The following KCNQ5 variants were observed in gnomAD, a reference collection of about 807,000 sequenced individuals.
The protein encoded by KCNQ5 is potassium voltage-gated channel subfamily KQT member 5.
A neutral mutation model predicts 98.2 loss-of-function variants in KCNQ5; 30 were observed. That is an observed-to-expected ratio of 0.31 (90% CI 0.23 to 0.41). The LOEUF (loss-of-function observed/expected upper bound fraction) is 0.41, where lower values mean the gene tolerates loss of function less well. Among genes scored for constraint, KCNQ5 ranks in the 10% least tolerant of loss-of-function variants. The pLI, the probability that KCNQ5 is intolerant of heterozygous loss-of-function variation, is 1.00. For missense variants in KCNQ5, 835 were observed against 1,182.5 expected (o/e 0.71, Z 4.31); for synonymous variants, 458 against 449.4 (o/e 1.02, Z -0.24).
chr6:73,036,458 T>A (rs61200346), intron 2 of KCNQ5, among the ~76,000 whole-genome samples: 205 of 149,986 alleles, frequency 1.4e-3, no homozygotes, highest in African/African-American at 4.9e-3. Context: ...AAGTTACCCC[T>A]TGCTAACCAC....
At chr6:73,034,836 T>C (rs1020482164) in intron 2 of KCNQ5, among the ~76,000 whole-genome samples, 14 of 82,212 alleles carry the variant, frequency 1.7e-4, no homozygotes, top group South Asian at 9.9e-4. Flanking sequence ...CACTGCCTCT[T>C]TTCTTTTTTT....
At chr6:72,827,920 G>A (rs961256920) in intron 1 of KCNQ5, among the ~76,000 whole-genome samples, 1 of 152,074 alleles carries the variant, frequency 6.6e-6, no homozygotes, top group Non-Finnish European at 1.5e-5. Flanking sequence ...GTAAGAGGTG[G>A]AAGTCTAGTT....
intron 1 of KCNQ5, among the ~76,000 whole-genome samples, chr6:72,776,426 T>C (rs1773164865): frequency 6.6e-6 from 1 of 152,240 alleles, no homozygotes; most frequent in African/African-American, 2.4e-5. Flanking sequence ...TATTTTAAGT[T>C]CAACTCTTTA....
At chr6:73,145,600 T>A (rs184843011) in intron 10 of KCNQ5, among the ~76,000 whole-genome samples, 11 of 152,278 alleles carry the variant, frequency 7.2e-5, no homozygotes, top group Non-Finnish European at 1.5e-4. Flanking sequence ...TAATTTCCAT[T>A]TTTTTTAAAC....
At chr6:72,730,421 C>T (rs1041937456) in intron 1 of KCNQ5, among the ~76,000 whole-genome samples, 1 of 151,840 alleles carries the variant, frequency 6.6e-6, no homozygotes, top group African/African-American at 2.4e-5. Flanking sequence ...AAAAAGAATT[C>T]TCCTGTACAT....
At chr6:72,908,683 T>C (rs1779798515) in intron 1 of KCNQ5, among the ~76,000 whole-genome samples, 2 of 152,090 alleles carry the variant, frequency 1.3e-5, no homozygotes, top group Non-Finnish European at 2.9e-5. Context: ...TGAATAGGGC[T>C]AGAAGCAACA....
At chr6:72,946,980 C>A (rs1766577028) in intron 1 of KCNQ5, among the ~76,000 whole-genome samples, 1 of 152,172 alleles carries the variant, frequency 6.6e-6, no homozygotes, top group African/African-American at 2.4e-5. Flanking sequence ...GGCAGTCTCA[C>A]AACTCTTCAT....
chr6:72,782,204 C>G (rs1239082292), intron 1 of KCNQ5, among the ~76,000 whole-genome samples: 1 of 151,990 alleles, frequency 6.6e-6, no homozygotes, highest in East Asian at 1.9e-4. Context: ...CTAGGGTTAC[C>G]TATTCAGACT....
At position 72,699,583 on chromosome 6, in the gene KCNQ5, A is replaced by G. The variant is rs541170514; in HGVS notation, c.398+76996A>G. The stretch of plus-strand genomic sequence containing the variant: ...AGAAGATTGCCAATTTCCCCACTCT[A>G]TTAGAAGCTATATAAATATCACAAT... On this transcript the variant is annotated intron_variant, in intron 1 of 13. Coordinates refer to ENST00000370398, the MANE Select transcript of KCNQ5 (RefSeq NM_019842.4). Among the ~76,000 whole-genome samples, 7 of 152,278 alleles carry G rather than the reference A, an allele frequency of 4.6e-5. No homozygotes were observed. In the South Asian group the frequency reaches 1.0e-3, roughly 23 times the overall value.
intron 1 of KCNQ5, among the ~76,000 whole-genome samples, chr6:72,779,839 G>C (rs1488654794): frequency 6.3e-5 from 3 of 47,742 alleles, no homozygotes; most frequent in Non-Finnish European, 1.2e-4. Context: ...GTGTGTGTGT[G>C]TGTGTGTGTG....
At chr6:72,755,050 A>T (rs1351402608) in intron 1 of KCNQ5, among the ~76,000 whole-genome samples, 1 of 151,972 alleles carries the variant, frequency 6.6e-6, no homozygotes, top group East Asian at 1.9e-4. Context: ...AGGTTTTTAC[A>T]TATTATTAAA....
rs538119132 is a variant in KCNQ5, at chr6:72,822,019, C to T, written c.399-181889C>T. 6.8e-4 allele frequency among the ~76,000 whole-genome samples: 103 copies of T among 152,248 alleles called. 3 individuals carry two copies. In the South Asian group the frequency reaches 0.021, roughly 31 times the overall value. Reference sequence around the variant, plus strand: ...TCTCTGTGACTCTCAGAAAGGCTGTCAGTTTCCTGGTCAGTCTTTTCCCTA... The same window carrying T: ...TCTCTGTGACTCTCAGAAAGGCTGTTAGTTTCCTGGTCAGTCTTTTCCCTA... On this transcript the variant is annotated intron_variant, in intron 1 of 13. Transcript: ENST00000370398.
intron 1 of KCNQ5, among the ~76,000 whole-genome samples, chr6:72,970,630 G>A (rs986792359): frequency 6.6e-6 from 1 of 152,108 alleles, no homozygotes. Context: ...AAACAGCATG[G>A]TACTGGTACC....
intron 1 of KCNQ5, among the ~76,000 whole-genome samples, chr6:72,981,522 A>G (rs1332557636): frequency 1.3e-5 from 2 of 151,256 alleles, no homozygotes; most frequent in African/African-American, 4.9e-5. Context: ...TTCATTTTTT[A>G]TTGCATCTAT....
chr6:73,029,824 T>C (rs1206218968), intron 2 of KCNQ5, among the ~76,000 whole-genome samples: 2 of 138,190 alleles, frequency 1.4e-5, no homozygotes, highest in Non-Finnish European at 3.0e-5. Flanking sequence ...GGCAGGAGAA[T>C]GGCGTGAACC....
chr6:72,883,305 A>ATGT lies in KCNQ5; in HGVS notation c.399-120577_399-120575dup, dbSNP rs565781521. Among the ~76,000 whole-genome samples, 1,153 of 151,926 alleles carry ATGT rather than the reference A, an allele frequency of 7.6e-3. 7 individuals carry two copies. Among genetic ancestry groups the ATGT allele is most frequent in the African/African-American group, 0.011 (443 of 41,462 alleles). Reference sequence around the variant, plus strand: ...GATGCCTCCTGTTCTCAAAAGAACAATGTTGTTGTTGTTGTTGTTGTTGTT... The same window carrying ATGT: ...GATGCCTCCTGTTCTCAAAAGAACAATGTTGTTGTTGTTGTTGTTGTTGTTGTT... On this transcript the variant is annotated intron_variant, in intron 1 of 13. Transcript: ENST00000370398.
chr6:72,749,173 C>T (rs1234063106), intron 1 of KCNQ5, among the ~76,000 whole-genome samples: 2 of 152,158 alleles, frequency 1.3e-5, no homozygotes, highest in African/African-American at 4.8e-5. Context: ...ATTCTCAACA[C>T]CCCAAAACAT....
chr6:72,647,097 C>T (rs1436682303), intron 1 of KCNQ5, among the ~76,000 whole-genome samples: 2 of 152,330 alleles, frequency 1.3e-5, no homozygotes, highest in Non-Finnish European at 2.9e-5. Flanking sequence ...CATTCATTTA[C>T]TGTCTGTGAC....
intron 1 of KCNQ5, among the ~76,000 whole-genome samples, chr6:72,894,162 T>TGGG (rs1206592694): frequency 3.2e-4 from 49 of 152,306 alleles, no homozygotes; most frequent in African/African-American, 1.2e-3. Context: ...ATTTATCATC[T>TGGG]CTATTGACTC....
Sources: gnomAD v4.1 joint callset for allele counts (sites outside exome capture counted in the v4.1 genomes callset) on GRCh38, gnomAD v4.1.1 for gene constraint, MANE v1.5 for transcripts, NCBI Gene and HGNC (gene_info 2026-07-23, HGNC 2026-07-21) for gene names.